MEIS1: variants seen among roughly 807,000 people sequenced by gnomAD.
MEIS1 encodes homeobox protein Meis1.
In MEIS1, 5 loss-of-function variants were observed where a neutral mutation model predicts 50.8. That is an observed-to-expected ratio of 0.10 (90% CI 0.05 to 0.21). The LOEUF (loss-of-function observed/expected upper bound fraction) is 0.21, where lower values mean the gene tolerates loss of function less well. MEIS1 is among the 10% of genes least tolerant of loss of function. The pLI, the probability that MEIS1 is intolerant of heterozygous loss-of-function variation, is 1.00. For missense variants in MEIS1, 318 were observed against 517.3 expected, an observed-to-expected ratio of 0.61 and a Z score of 3.74; for synonymous variants, 176 against 179.3, an observed-to-expected ratio of 0.98 and a Z score of 0.15.
At chr2:66,483,281 C>A (rs1017258607) in intron 7 of MEIS1, among the ~76,000 whole-genome samples, 2 of 150,254 alleles carry the variant, frequency 1.3e-5, no homozygotes, top group Non-Finnish European at 3.0e-5. Context: ...CTATATTGCC[C>A]AGGCAGGTCT....
At chr2:66,512,121 G>C (rs774841948) in intron 7 of MEIS1, 28 bp from the exon 8 acceptor site, 24 of 1,532,660 alleles carry the variant, frequency 1.6e-5, no homozygotes, top group African/African-American at 2.8e-5. Context: ...GGTAGCATCA[G>C]TCAAAATTTG....
At chr2:66,458,575 A>G (rs1166822386) in intron 6 of MEIS1, among the ~76,000 whole-genome samples, 1 of 152,166 alleles carries the variant, frequency 6.6e-6, no homozygotes, top group African/African-American at 2.4e-5. Flanking sequence ...GACAATTTAC[A>G]TATGTTATGT....
At chr2:66,522,455 G>C (rs968931838) in intron 8 of MEIS1, among the ~76,000 whole-genome samples, 2 of 152,210 alleles carry the variant, frequency 1.3e-5, no homozygotes, top group Non-Finnish European at 1.5e-5. Flanking sequence ...CCTCCTGTTG[G>C]AGATGCCTGT....
At chr2:66,565,102 G>A (rs543417659) in intron 9 of MEIS1, among the ~76,000 whole-genome samples, 5 of 152,074 alleles carry the variant, frequency 3.3e-5, no homozygotes, top group Non-Finnish European at 7.4e-5. Context: ...GTGACCAAAC[G>A]AAGTGACCAT....
intron 6 of MEIS1, among the ~76,000 whole-genome samples, chr2:66,458,138 T>G (rs1672437260): frequency 6.6e-6 from 1 of 152,088 alleles, no homozygotes; most frequent in African/African-American, 2.4e-5. Flanking sequence ...ACCAGTAGTG[T>G]AGAAGTTTTG....
intron 7 of MEIS1, among the ~76,000 whole-genome samples, chr2:66,477,377 C>A (rs1672918970): frequency 6.6e-6 from 1 of 152,124 alleles, no homozygotes. Flanking sequence ...ACTACAGGTC[C>A]CACTGGCATG....
intron 6 of MEIS1, chr2:66,461,734 G>A (rs1362482247): frequency 6.4e-5 from 22 of 342,434 alleles, no homozygotes; most frequent in South Asian, 5.4e-4. Flanking sequence ...CGATAGCTGT[G>A]AGAAAAGAGG....
At chr2:66,542,378 G>C (rs1004594679) in intron 8 of MEIS1, among the ~76,000 whole-genome samples, 3 of 152,066 alleles carry the variant, frequency 2.0e-5, no homozygotes, top group Non-Finnish European at 4.4e-5. Context: ...AGCTGTGGAG[G>C]AGGCAAAGGG....
At chr2:66,509,127 CAATTGACCATTT>C in intron 7 of MEIS1, 1 of 456,748 alleles carries the variant, frequency 2.2e-6, no homozygotes, top group African/African-American at 2.0e-5. Context: ...GCTAAAGGTA[CAATTGACCATTT>C]AGACTTTCCT....
intron 7 of MEIS1, among the ~76,000 whole-genome samples, chr2:66,489,654 G>C (rs543748186): frequency 2.0e-5 from 3 of 152,228 alleles, no homozygotes; most frequent in East Asian, 3.9e-4. Context: ...AGAGGATGAA[G>C]ATAAACTGCC....
intron 6 of MEIS1, among the ~76,000 whole-genome samples, chr2:66,453,492 A>G (rs1332017419): frequency 6.6e-6 from 1 of 152,012 alleles, no homozygotes; most frequent in Non-Finnish European, 1.5e-5. Context: ...AACTCAAATT[A>G]AATCTCAAGA....
chr2:66,549,956 T>C (rs1674879764), intron 9 of MEIS1, among the ~76,000 whole-genome samples: 1 of 152,198 alleles, frequency 6.6e-6, no homozygotes, highest in South Asian at 2.1e-4. Flanking sequence ...CACAGTTTTC[T>C]AAATTCTATG....
chr2:66,566,809 G>T (rs1455401445), intron 9 of MEIS1, among the ~76,000 whole-genome samples: 1 of 33,914 alleles, frequency 2.9e-5, no homozygotes, highest in Admixed American at 4.3e-4. Flanking sequence ...TACATAAAGA[G>T]CAAAAAAAAA....
intron 8 of MEIS1, among the ~76,000 whole-genome samples, chr2:66,542,432 A>G (rs992987092): frequency 6.6e-6 from 1 of 152,100 alleles, no homozygotes; most frequent in African/African-American, 2.4e-5. Context: ...TGTTCTTCCA[A>G]CATATTCAGC....
chr2:66,566,452 T>C (rs1675349010), intron 9 of MEIS1, among the ~76,000 whole-genome samples: 1 of 152,180 alleles, frequency 6.6e-6, no homozygotes, highest in South Asian at 2.1e-4. Context: ...TGCTCAGATT[T>C]GATCTGAGTT....
At position 66,567,745 on chromosome 2, in the gene MEIS1, A is replaced by G. The variant is rs1675385945; in HGVS notation, c.1024+234A>G. On this transcript the variant is annotated intron_variant, in intron 10 of 12. Transcript: ENST00000272369. Reference sequence around the variant, plus strand: ...CAGAGAAAAGTAACTCTTAAATAATATGCTCAGTTACAATATTCTTTGTAC... The same window carrying G: ...CAGAGAAAAGTAACTCTTAAATAATGTGCTCAGTTACAATATTCTTTGTAC... 5 of 640,398 alleles carry G rather than the reference A, an allele frequency of 7.8e-6. No homozygotes were observed. The East Asian group carries it at 1.4e-4, about 17-fold the overall frequency. The allele number at this position is 640,398 out of a possible 1,614,324, so 39.7% of individuals were successfully genotyped here.
At chr2:66,473,397 A>AAAAAAAAAAAAAAAAAATATATATAT in intron 7 of MEIS1, among the ~76,000 whole-genome samples, 11 of 107,586 alleles carry the variant, frequency 1.0e-4, no homozygotes, top group African/African-American at 5.2e-4. Flanking sequence ...AAAAAAAAAA[A>AAAAAAAAAAAAAAAAAATATATATAT]ATATATATAT....
At chr2:66,513,700 C>A (rs955054285) in intron 8 of MEIS1, among the ~76,000 whole-genome samples, 2 of 152,002 alleles carry the variant, frequency 1.3e-5, no homozygotes, top group Admixed American at 1.3e-4. Flanking sequence ...CTTGGCTATG[C>A]TGGAAATTAG....
intron 8 of MEIS1, among the ~76,000 whole-genome samples, chr2:66,531,299 A>G (rs1674384267): frequency 6.6e-6 from 1 of 152,234 alleles, no homozygotes; most frequent in African/African-American, 2.4e-5. Flanking sequence ...TACCCTACAC[A>G]TAATGAACAC....
Sources: gnomAD v4.1 joint callset for allele counts (sites outside exome capture counted in the v4.1 genomes callset) on GRCh38, gnomAD v4.1.1 for gene constraint, MANE v1.5 for transcripts, NCBI Gene and HGNC (gene_info 2026-07-23, HGNC 2026-07-21) for gene names.